Variants in ABI1 observed in about 807,000 individuals in gnomAD.
The protein encoded by ABI1 is Abelson interactor 1.
A neutral mutation model predicts 54.6 loss-of-function variants in ABI1; 14 were observed. That is an observed-to-expected ratio of 0.26 (90% CI 0.17 to 0.40). The LOEUF (loss-of-function observed/expected upper bound fraction) is 0.40, where lower values mean the gene tolerates loss of function less well. Among genes scored for constraint, ABI1 ranks in the 10% least tolerant of loss-of-function variants. ABI1 has a pLI of 1.00. For synonymous variants in ABI1, 194 were observed against 209.3 expected, an observed-to-expected ratio of 0.93 and a Z score of 0.63; for missense variants, 443 against 598.3, an observed-to-expected ratio of 0.74 and a Z score of 2.71.
In ABI1 at chr10:26,748,587, TGATTGATTCAACATA is replaced by T; in HGVS notation, c.1414_1428del (p.Tyr472_Ile476del). ...AAAAAAAATTAATCAGTATAGTGCA[TGATTGATTCAACATA>T]GTTCCCAGGGAACAGACCAGTCACT... On this transcript the variant is annotated inframe_deletion, in exon 11 of 11. Coordinates refer to ENST00000376140, the MANE Select transcript of ABI1 (RefSeq NM_001012750.3). 1 of 1,612,666 alleles carries T rather than the reference TGATTGATTCAACATA, an allele frequency of 6.2e-7. No homozygotes were observed. The highest frequency in any genetic ancestry group is 1.1e-5 in the South Asian group (1 of 91,000).
intron 3 of ABI1, among the ~76,000 whole-genome samples, chr10:26,771,414 G>A (rs7917239): frequency 0.024 from 3,663 of 152,140 alleles, 150 homozygotes; most frequent in African/African-American, 0.083. Context: ...TTAAAAATAC[G>A]CTCATTTAAA....
chr10:26,761,853 A>G (rs980493540), intron 7 of ABI1, among the ~76,000 whole-genome samples: 1 of 146,636 alleles, frequency 6.8e-6, no homozygotes, highest in African/African-American at 2.4e-5. Context: ...GTATGTAAAT[A>G]TATCATAATT....
intron 1 of ABI1, among the ~76,000 whole-genome samples, chr10:26,830,448 C>G (rs35727985): frequency 1.4e-3 from 213 of 151,834 alleles, no homozygotes; most frequent in Non-Finnish European, 2.0e-3. Context: ...ATAGTGACAC[C>G]CTGTCTCTAC....
At position 26,808,940 on chromosome 10, in the gene ABI1, A is replaced by AT. The variant is rs200831974; in HGVS notation, c.285+14197dup. On this transcript the variant is annotated intron_variant, in intron 2 of 10. Transcript: ENST00000376140. ...AGACACAGAAAGAGAAGTACAAAGTATTGCTGCCAATTTTATTGGCCAATA... is the reference window on the plus strand; with the variant it reads ...AGACACAGAAAGAGAAGTACAAAGTATTTGCTGCCAATTTTATTGGCCAATA... Among the ~76,000 whole-genome samples, 539 of 151,908 alleles carry AT rather than the reference A, an allele frequency of 3.5e-3. 5 individuals carry two copies. The highest frequency in any genetic ancestry group is 0.03 in the East Asian group (151 of 5,116).
At chr10:26,809,516 C>T (rs2047089799) in intron 2 of ABI1, among the ~76,000 whole-genome samples, 2 of 151,938 alleles carry the variant, frequency 1.3e-5, no homozygotes, top group Non-Finnish European at 2.9e-5. Flanking sequence ...TATGATCACA[C>T]CATTGCACAC....
chr10:26,859,050 G>C (rs1484822246), intron 1 of ABI1, among the ~76,000 whole-genome samples: 1 of 152,070 alleles, frequency 6.6e-6, no homozygotes, highest in Non-Finnish European at 1.5e-5. Flanking sequence ...ATGTTAAGTT[G>C]AATAAAAGTT....
chr10:26,753,359 C>G (rs1365044811), intron 9 of ABI1, among the ~76,000 whole-genome samples: 2 of 152,168 alleles, frequency 1.3e-5, no homozygotes, highest in Non-Finnish European at 2.9e-5. Context: ...TGACATCAAA[C>G]AGCCATAGTT....
intron 2 of ABI1, among the ~76,000 whole-genome samples, chr10:26,803,830 T>A (rs2046710908): frequency 6.6e-6 from 1 of 152,108 alleles, no homozygotes; most frequent in African/African-American, 2.4e-5. Context: ...ATACTAGGGA[T>A]ACAGTGATAT....
intron 2 of ABI1, among the ~76,000 whole-genome samples, chr10:26,815,513 T>C (rs1247322821): frequency 6.6e-6 from 1 of 152,216 alleles, no homozygotes; most frequent in Non-Finnish European, 1.5e-5. Flanking sequence ...GTTTTGTTAC[T>C]GAAAAAACAA....
At chr10:26,756,759 AC>A (rs1440274443) in intron 8 of ABI1, among the ~76,000 whole-genome samples, 1 of 152,166 alleles carries the variant, frequency 6.6e-6, no homozygotes, top group Non-Finnish European at 1.5e-5. Flanking sequence ...ATCGGTAGTC[AC>A]CAAGTAGTAA....
At chr10:26,771,153 T>C in intron 3 of ABI1, 64 bp from the exon 4 acceptor site, 1 of 1,541,508 alleles carries the variant, frequency 6.5e-7, no homozygotes, top group Non-Finnish European at 9.0e-7. Context: ...TTATATCCGA[T>C]AGGACAGGTT....
chr10:26,749,025 T>TTTCAATTCA (rs985546641), intron 10 of ABI1, among the ~76,000 whole-genome samples: 2 of 152,188 alleles, frequency 1.3e-5, no homozygotes, highest in African/African-American at 4.8e-5. Context: ...TTATTAGATG[T>TTTCAATTCA]TTCAATTCAT....
intron 2 of ABI1, among the ~76,000 whole-genome samples, chr10:26,819,672 G>A (rs557365881): frequency 1.3e-5 from 2 of 152,144 alleles, no homozygotes; most frequent in African/African-American, 4.8e-5. Flanking sequence ...CATATTCTGG[G>A]ATATATAACA....
At chr10:26,816,986 TTGTGTGTG>T (rs71403891) in intron 2 of ABI1, among the ~76,000 whole-genome samples, 9,022 of 143,822 alleles carry the variant, frequency 0.063, 388 homozygotes, top group East Asian at 0.19. Context: ...TGCAAAGACT[TTGTGTGTG>T]TGTGTGTGTG....
At chr10:26,783,194 G>A (rs557103039) in intron 2 of ABI1, among the ~76,000 whole-genome samples, 1 of 152,246 alleles carries the variant, frequency 6.6e-6, no homozygotes, top group South Asian at 2.1e-4. Context: ...AGTGAAATAC[G>A]CCAGTCACAA....
chr10:26,793,600 C>G lies in ABI1; in HGVS notation c.286-16359G>C, dbSNP rs558974613. ...TGACATTTTTCTGTCTCCTCCTCGCCTGCTTAATTATATAAGACAAACTAC... is the reference window on the plus strand; with the variant it reads ...TGACATTTTTCTGTCTCCTCCTCGCGTGCTTAATTATATAAGACAAACTAC... On this transcript the variant is annotated intron_variant, in intron 2 of 10. Coordinates refer to ENST00000376140, the MANE Select transcript of ABI1 (RefSeq NM_001012750.3). Among the ~76,000 whole-genome samples, 12 of 152,290 alleles carry G rather than the reference C, an allele frequency of 7.9e-5. No individual in the cohort carries two copies. The South Asian group carries it at 2.5e-3, about 32-fold the overall frequency.
At chr10:26,821,016 G>A (rs1337420566) in intron 2 of ABI1, among the ~76,000 whole-genome samples, 1 of 151,764 alleles carries the variant, frequency 6.6e-6, no homozygotes, top group Non-Finnish European at 1.5e-5. Flanking sequence ...GCCAAGGCAG[G>A]CAGATCACTT....
chr10:26,784,287 C>A (rs1275275323), intron 2 of ABI1, among the ~76,000 whole-genome samples: 2 of 152,212 alleles, frequency 1.3e-5, no homozygotes, highest in African/African-American at 4.8e-5. Context: ...CCACGTGAAA[C>A]ACCTGTCCAT....
chr10:26,793,980 C>T (rs538446770), intron 2 of ABI1, among the ~76,000 whole-genome samples: 2 of 152,282 alleles, frequency 1.3e-5, no homozygotes, highest in South Asian at 2.1e-4. Context: ...CAGTGGTTCA[C>T]GCCTATAATC....
Sources: gnomAD v4.1 joint callset for allele counts (sites outside exome capture counted in the v4.1 genomes callset) on GRCh38, gnomAD v4.1.1 for gene constraint, MANE v1.5 for transcripts, NCBI Gene and HGNC (gene_info 2026-07-23, HGNC 2026-07-21) for gene names.